B4GALT1: variants seen among roughly 807,000 people sequenced by gnomAD.
B4GALT1 encodes the protein beta-1,4-galactosyltransferase 1.
Under a neutral mutation model 34.9 loss-of-function variants are expected in B4GALT1, and 16 were observed. The observed-to-expected ratio is 0.46, with a 90% confidence interval of 0.31 to 0.70. B4GALT1 has a LOEUF of 0.70. Ranked by LOEUF, B4GALT1 falls within the 30% of genes least tolerant of loss-of-function variation. B4GALT1 has a pLI of 0.05. For synonymous variants in B4GALT1, 221 were observed against 218.1 expected (o/e 1.01, Z -0.12); for missense variants, 445 against 530.5 (o/e 0.84, Z 1.58).
intron 2 of B4GALT1, among the ~76,000 whole-genome samples, chr9:33,124,153 G>C (rs2118078353): frequency 6.6e-6 from 1 of 152,294 alleles, no homozygotes; most frequent in South Asian, 2.1e-4. Flanking sequence ...TGGGTGAAAT[G>C]CTGTAACACT....
At chr9:33,170,440 G>C (rs889709421), upstream of B4GALT1, among the ~76,000 whole-genome samples, 9 of 152,186 alleles carry the variant, frequency 5.9e-5, no homozygotes, top group African/African-American at 2.2e-4. Context: ...AGTCGGCCTG[G>C]CCAATGAGTG....
chr9:33,113,531 G>T lies in B4GALT1; in HGVS notation c.1120C>A (p.Leu374Ile). 6.2e-7 allele frequency: 1 copy of T among 1,614,262 alleles called. No homozygotes were observed. Among genetic ancestry groups the T allele is most frequent in the Non-Finnish European group, 8.5e-7 (1 of 1,180,042 alleles). Residue 374 changes from leucine (L) to isoleucine (I), a missense_variant, in exon 6 of 6, where the codon CTC (leucine) becomes ATC (isoleucine). Physicochemically the swap from Leu to Ile is conservative, Grantham distance 5. Transcript: ENST00000379731. ...ETMLSDGLNSLTYQVLDVQRY... is the reference protein window; with the variant it reads ...ETMLSDGLNSITYQVLDVQRY... ...TGTACATCCAGCACCTGGTAGGTGA[G>T]TGAGTTCAAACCATCAGAGAGCATT...
At chr9:33,106,838 A>G (rs1262225319), downstream of B4GALT1, among the ~76,000 whole-genome samples, 3 of 152,150 alleles carry the variant, frequency 2.0e-5, no homozygotes, top group Admixed American at 2.0e-4. Flanking sequence ...AGACACAGAG[A>G]GGGGAACCAA....
intron 3 of B4GALT1, 146 bp downstream of exon 3, chr9:33,120,273 C>A: frequency 1.1e-6 from 1 of 871,768 alleles, no homozygotes; most frequent in Non-Finnish European, 1.9e-6. Context: ...TTCTTTCCAT[C>A]TCAACTAATA....
chr9:33,135,156 CA>C lies in B4GALT1; in HGVS notation c.648+32del, dbSNP rs149711937. 7.2e-4 allele frequency: 1,147 copies of C among 1,583,020 alleles called. 9 individuals carry two copies. In the African/African-American group the frequency reaches 0.014, roughly 19 times the overall value. On this transcript the variant is annotated intron_variant, in intron 2 of 5. Transcript: ENST00000379731. ...TCTGATACACATCTGCATGCACACA[CA>C]CCCTCTCTCATTCCACCTTCCCAGG...
chr9:33,152,937 G>A (rs528597901), intron 1 of B4GALT1, among the ~76,000 whole-genome samples: 8 of 152,058 alleles, frequency 5.3e-5, no homozygotes, highest in African/African-American at 2.4e-5. Flanking sequence ...GGTGGCTCAC[G>A]CCTATAGTCC....
intron 1 of B4GALT1, among the ~76,000 whole-genome samples, chr9:33,154,220 T>C (rs1840565167): frequency 6.6e-6 from 1 of 152,196 alleles, no homozygotes; most frequent in Admixed American, 6.5e-5. Flanking sequence ...TAATATACCA[T>C]ATCAATAGAA....
At chr9:33,109,775 TA>T (rs769537790), downstream of B4GALT1, among the ~76,000 whole-genome samples, 11 of 152,244 alleles carry the variant, frequency 7.2e-5, no homozygotes, top group Admixed American at 6.5e-5. Context: ...AGAATTGAGT[TA>T]AACTGTAGGA....
chr9:33,150,741 T>A lies in B4GALT1; in HGVS notation c.413-15317A>T, dbSNP rs184221780. 4.5e-3 allele frequency among the ~76,000 whole-genome samples: 680 copies of A among 152,222 alleles called. 5 individuals are homozygous for A. The highest frequency in any genetic ancestry group is 0.013 in the African/African-American group (546 of 41,534). On this transcript the variant is annotated intron_variant, in intron 1 of 5. Transcript: ENST00000379731. ...TTTATTGTAGGTTAATCTAAAAAAATTTTTTTTAAAGTTAAGAATACATCT... is the reference window on the plus strand; with the variant it reads ...TTTATTGTAGGTTAATCTAAAAAAAATTTTTTTAAAGTTAAGAATACATCT...
chr9:33,113,570 G>T lies in B4GALT1; in HGVS notation c.1081C>A (p.His361Asn). ...TCAGAGAGCATTGTCTCCTTTGTGT[G>T]TGCAATTCGGTCAAACCTACAAGGA... ...PNPQRFDRIAHTKETMLSDGL... is the reference protein window; with the variant it reads ...PNPQRFDRIANTKETMLSDGL... The change falls in exon 6 of 6, where the codon CAC (histidine) becomes AAC (asparagine). Residue 361 changes from histidine to asparagine, a missense_variant. Physicochemically the swap from His to Asn is moderately conservative, Grantham distance 68. Coordinates refer to ENST00000379731, the MANE Select transcript of B4GALT1 (RefSeq NM_001497.4). 1 of 1,614,202 alleles carries T rather than the reference G, an allele frequency of 6.2e-7. No homozygotes were observed. Among genetic ancestry groups the T allele is most frequent in the South Asian group, 1.1e-5 (1 of 91,086 alleles).
At chr9:33,119,726 C>T (rs1041412635) in intron 3 of B4GALT1, among the ~76,000 whole-genome samples, 1 of 151,826 alleles carries the variant, frequency 6.6e-6, no homozygotes, top group Non-Finnish European at 1.5e-5. Flanking sequence ...AAAAACAAAA[C>T]AAAACAGGCC....
At chr9:33,182,710 G>A in the B4GALT1 span, among the ~76,000 whole-genome samples, 1 of 152,156 alleles carries the variant, frequency 6.6e-6, no homozygotes, top group Non-Finnish European at 1.5e-5. Flanking sequence ...CTCTGACAAG[G>A]ATTGAGCAAT....
intron 1 of B4GALT1, among the ~76,000 whole-genome samples, 179 bp from the exon 2 acceptor site, chr9:33,135,603 G>A (rs1840257573): frequency 6.6e-6 from 1 of 152,174 alleles, no homozygotes. Context: ...CAGCATTAGG[G>A]TGACCAACCA....
At chr9:33,143,514 C>A (rs1840382803) in intron 1 of B4GALT1, among the ~76,000 whole-genome samples, 1 of 152,214 alleles carries the variant, frequency 6.6e-6, no homozygotes, top group Admixed American at 6.5e-5. Context: ...TCATGCTGTG[C>A]AGTGCAAGAA....
At chr9:33,164,452 T>C (rs1047513318) in intron 1 of B4GALT1, among the ~76,000 whole-genome samples, 1 of 152,224 alleles carries the variant, frequency 6.6e-6, no homozygotes, top group Non-Finnish European at 1.5e-5. Flanking sequence ...CCCCCATTTC[T>C]GGGGCTGCCT....
chr9:33,112,141 AGGGTGGGCCACGGAGTGT>A lies in B4GALT1; in HGVS notation c.*1295_*1312del, dbSNP rs1839872054. On this transcript the variant is annotated 3_prime_UTR_variant, in exon 6 of 6. Transcript: ENST00000379731. ...AGGAAGGAGGAAGAACTGGTAACAA[AGGGTGGGCCACGGAGTGT>A]GGCTAGCAGAGCCTCTGAGGGAGGT... 1 of 152,724 alleles carries A rather than the reference AGGGTGGGCCACGGAGTGT, an allele frequency of 6.5e-6. No individual in the cohort carries two copies. The highest frequency in any genetic ancestry group is 2.1e-4 in the South Asian group (1 of 4,838). 9.5% of individuals were successfully genotyped at this position (152,724 alleles called of 1,614,324 possible). A position where few individuals can be genotyped will look rare whatever the true frequency, so the allele number is the denominator to read the frequency against.
rs1375898326 is a variant in B4GALT1, at chr9:33,112,468, C to G, written c.*986G>C. The G allele has an allele frequency of 6.6e-6, 1 of 152,650 alleles. No homozygotes were observed. The highest frequency in any genetic ancestry group is 1.5e-5 in the Non-Finnish European group (1 of 68,048). The allele number at this position is 152,650 out of a possible 1,614,324, so 9.5% of individuals were successfully genotyped here. The stretch of plus-strand genomic sequence containing the variant: ...CAAGGGGCCAGAGGGTGATTTTGCT[C>G]TTGAGAAAACCTGGCCTGCCAGCTA... On this transcript the variant is annotated 3_prime_UTR_variant, in exon 6 of 6. Transcript: ENST00000379731.
chr9:33,132,665 T>C (rs1336407611), intron 2 of B4GALT1, among the ~76,000 whole-genome samples: 1 of 152,164 alleles, frequency 6.6e-6, no homozygotes, highest in African/African-American at 2.4e-5. Context: ...ATCTACTGTG[T>C]TGAGCCTGGG....
chr9:33,115,740 A>G (rs540559559), intron 4 of B4GALT1, among the ~76,000 whole-genome samples: 1 of 152,374 alleles, frequency 6.6e-6, no homozygotes, highest in East Asian at 1.9e-4. Flanking sequence ...CAGCAAGTCA[A>G]AGTAAACTTG....
Sources: gnomAD v4.1 joint callset for allele counts (sites outside exome capture counted in the v4.1 genomes callset) on GRCh38, gnomAD v4.1.1 for gene constraint, MANE v1.5 for transcripts, NCBI Gene and HGNC (gene_info 2026-07-23, HGNC 2026-07-21) for gene names.